COG5: variants seen among roughly 807,000 people sequenced by gnomAD.
The protein encoded by COG5 is component of oligomeric golgi complex 5.
COG5 carries 86 observed loss-of-function variants against 110.4 expected under a neutral mutation model. The ratio of observed to expected loss-of-function variants is 0.78; its 90% CI spans 0.65 to 0.93. COG5 has a LOEUF of 0.93. Among genes scored for constraint, COG5 ranks in the 40% least tolerant of loss-of-function variants. COG5 has a pLI of 0.00. For missense variants in COG5, 1,077 were observed against 987.0 expected (o/e 1.09, Z -1.22); for synonymous variants, 360 against 334.6 (o/e 1.08, Z -0.83).
At chr7:107,517,016 T>G (rs1279210273) in intron 6 of COG5, among the ~76,000 whole-genome samples, 1 of 152,142 alleles carries the variant, frequency 6.6e-6, no homozygotes. Flanking sequence ...ATGAACTAAT[T>G]GACAGAAGTA....
chr7:107,415,746 G>A (rs1280316955), intron 6 of COG5, among the ~76,000 whole-genome samples: 1 of 146,396 alleles, frequency 6.8e-6, no homozygotes, highest in Non-Finnish European at 1.5e-5. Flanking sequence ...ATAAATACAT[G>A]TATGTATATA....
intron 7 of COG5, among the ~76,000 whole-genome samples, chr7:107,411,398 G>C (rs1274130796): frequency 6.6e-6 from 1 of 151,852 alleles, no homozygotes; most frequent in African/African-American, 2.4e-5. Context: ...GGGAGACCTA[G>C]AGTTAAAACA....
At chr7:107,349,373 G>C (rs1811923043) in intron 10 of COG5, among the ~76,000 whole-genome samples, 2 of 152,096 alleles carry the variant, frequency 1.3e-5, no homozygotes, top group African/African-American at 4.8e-5. Flanking sequence ...CTATTTTAGG[G>C]GAGAAGCATT....
intron 5 of COG5, among the ~76,000 whole-genome samples, chr7:107,542,158 A>G (rs1802087600): frequency 2.0e-5 from 3 of 152,172 alleles, no homozygotes; most frequent in South Asian, 2.1e-4. Context: ...AGAACTAACC[A>G]TAAAAGAAAA....
chr7:107,298,012 C>T (rs1806904627), intron 12 of COG5, 130 bp downstream of exon 12: 4 of 397,908 alleles, frequency 1.0e-5, no homozygotes, highest in African/African-American at 2.1e-5. Context: ...TTAAGGTATA[C>T]AAATAAACTA....
At chr7:107,410,200 C>T (rs1030846149) in intron 7 of COG5, among the ~76,000 whole-genome samples, 9 of 152,164 alleles carry the variant, frequency 5.9e-5, no homozygotes, top group African/African-American at 1.9e-4. Flanking sequence ...TCTACTGAAT[C>T]AGAAATTCTG....
At chr7:107,277,226 A>C (rs1255177259) in intron 14 of COG5, among the ~76,000 whole-genome samples, 1 of 152,218 alleles carries the variant, frequency 6.6e-6, no homozygotes, top group African/African-American at 2.4e-5. Flanking sequence ...AACTTTTCTT[A>C]AATAAAAAAG....
chr7:107,225,010 G>C (rs1330679134), intron 19 of COG5, among the ~76,000 whole-genome samples: 1 of 152,250 alleles, frequency 6.6e-6, no homozygotes, highest in Non-Finnish European at 1.5e-5. Flanking sequence ...GCATGATGGG[G>C]GAAGGGAGCA....
At chr7:107,559,174 A>G (rs922602582) in intron 1 of COG5, among the ~76,000 whole-genome samples, 2 of 152,140 alleles carry the variant, frequency 1.3e-5, no homozygotes, top group African/African-American at 4.8e-5. Context: ...AAATATGTTA[A>G]TGGAAAGAAA....
intron 6 of COG5, among the ~76,000 whole-genome samples, chr7:107,478,883 T>G (rs1029501868): frequency 6.6e-6 from 1 of 152,074 alleles, no homozygotes; most frequent in Non-Finnish European, 1.5e-5. Context: ...TTATTCCACA[T>G]AGTATTTCAA....
intron 5 of COG5, among the ~76,000 whole-genome samples, chr7:107,532,122 C>T (rs1450444134): frequency 1.3e-5 from 2 of 152,086 alleles, no homozygotes; most frequent in African/African-American, 2.4e-5. Context: ...AATGGCACAA[C>T]CTTGGCTTAC....
intron 21 of COG5, chr7:107,209,816 G>A: frequency 3.0e-6 from 3 of 985,386 alleles, no homozygotes; most frequent in Non-Finnish European, 3.6e-6. Flanking sequence ...CAGTTTATGA[G>A]TTTACAGAAG....
At chr7:107,454,744 G>C (rs1370564050) in intron 6 of COG5, among the ~76,000 whole-genome samples, 2 of 152,170 alleles carry the variant, frequency 1.3e-5, no homozygotes, top group Non-Finnish European at 2.9e-5. Flanking sequence ...GACAGCAGCT[G>C]TGTTGAAGCT....
chr7:107,524,111 G>C (rs1214763393), intron 6 of COG5, among the ~76,000 whole-genome samples: 1 of 152,084 alleles, frequency 6.6e-6, no homozygotes, highest in Non-Finnish European at 1.5e-5. Context: ...AAAGGCAAAG[G>C]TATTAATACA....
chr7:107,481,182 C>T (rs994078309), intron 6 of COG5, among the ~76,000 whole-genome samples: 8 of 152,198 alleles, frequency 5.3e-5, no homozygotes, highest in African/African-American at 1.7e-4. Flanking sequence ...CACCCTGCTT[C>T]CATGAGAGCA....
intron 21 of COG5, chr7:107,208,671 C>G (rs192434544): frequency 2.0e-6 from 2 of 985,468 alleles, no homozygotes; most frequent in Admixed American, 1.2e-4. Flanking sequence ...GGCTGGTAAC[C>G]TCTCCCATTT....
chr7:107,438,593 G>A (rs1419987005), intron 6 of COG5, among the ~76,000 whole-genome samples: 1 of 152,154 alleles, frequency 6.6e-6, no homozygotes, highest in African/African-American at 2.4e-5. Flanking sequence ...ACAAACTTAG[G>A]AGGACTGAGA....
At chr7:107,288,795 A>G (rs1217026717) in intron 12 of COG5, among the ~76,000 whole-genome samples, 1 of 151,210 alleles carries the variant, frequency 6.6e-6, no homozygotes, top group Non-Finnish European at 1.5e-5. Context: ...AAAGTCCAAA[A>G]TATCATTTAA....
At chr7:107,342,212 A>T (rs1169689195) in intron 10 of COG5, among the ~76,000 whole-genome samples, 1 of 152,148 alleles carries the variant, frequency 6.6e-6, no homozygotes, top group African/African-American at 2.4e-5. Context: ...TGGACAAAAG[A>T]CATGAACAGG....
Sources: gnomAD v4.1 joint callset for allele counts (sites outside exome capture counted in the v4.1 genomes callset) on GRCh38, gnomAD v4.1.1 for gene constraint, MANE v1.5 for transcripts, NCBI Gene and HGNC (gene_info 2026-07-23, HGNC 2026-07-21) for gene names.